The following ZNF385B variants were observed in gnomAD, a reference collection of about 807,000 sequenced individuals.
The protein encoded by ZNF385B is zinc finger protein 533.
ZNF385B carries 23 observed loss-of-function variants against 39.2 expected under a neutral mutation model. The ratio of observed to expected loss-of-function variants is 0.59; its 90% CI spans 0.42 to 0.83. The LOEUF is 0.83. ZNF385B is among the 40% of genes least tolerant of loss of function. ZNF385B has a pLI of 0.00. For synonymous variants in ZNF385B, 205 were observed against 222.6 expected, an observed-to-expected ratio of 0.92 and a Z score of 0.70; for missense variants, 552 against 598.9, an observed-to-expected ratio of 0.92 and a Z score of 0.82.
At chr2:179,752,010 T>C (rs1160739123) in intron 3 of ZNF385B, among the ~76,000 whole-genome samples, 1 of 152,200 alleles carries the variant, frequency 6.6e-6, no homozygotes, top group Non-Finnish European at 1.5e-5. Context: ...TATGTATACA[T>C]GTGCCATGTT....
intron 4 of ZNF385B, among the ~76,000 whole-genome samples, chr2:179,539,581 T>C (rs1273462522): frequency 6.6e-6 from 1 of 152,164 alleles, no homozygotes; most frequent in Non-Finnish European, 1.5e-5. Context: ...TCCCAGTTGT[T>C]TGTGAACAAA....
chr2:179,511,207 G>C (rs1404094185), intron 5 of ZNF385B, among the ~76,000 whole-genome samples: 1 of 152,158 alleles, frequency 6.6e-6, no homozygotes, highest in Non-Finnish European at 1.5e-5. Flanking sequence ...CGTGTGGAAA[G>C]GGAGTTATGT....
At chr2:179,795,448 GTGC>G (rs1398603478) in intron 1 of ZNF385B, among the ~76,000 whole-genome samples, 2 of 152,154 alleles carry the variant, frequency 1.3e-5, no homozygotes, top group African/African-American at 4.8e-5. Context: ...TATGTTGTCA[GTGC>G]TATCTGCAAC....
intron 3 of ZNF385B, among the ~76,000 whole-genome samples, chr2:179,677,915 A>C (rs776584508): frequency 1.3e-5 from 2 of 152,180 alleles, no homozygotes; most frequent in Admixed American, 6.5e-5. Context: ...CAGTACTTCC[A>C]ATTTGCATTG....
intron 5 of ZNF385B, among the ~76,000 whole-genome samples, chr2:179,510,784 G>C (rs1047669286): frequency 1.3e-5 from 2 of 152,094 alleles, no homozygotes; most frequent in South Asian, 2.1e-4. Flanking sequence ...AGTTGGAGGA[G>C]AGAGAGAAGA....
At chr2:179,703,141 T>C (rs906340269) in intron 3 of ZNF385B, among the ~76,000 whole-genome samples, 1 of 152,284 alleles carries the variant, frequency 6.6e-6, no homozygotes, top group African/African-American at 2.4e-5. Context: ...GCTATAGCCA[T>C]CTGGCTTGCT....
chr2:179,607,377 G>A (rs1331292800), intron 3 of ZNF385B, among the ~76,000 whole-genome samples: 1 of 151,974 alleles, frequency 6.6e-6, no homozygotes, highest in Non-Finnish European at 1.5e-5. Context: ...GAGATCTGAT[G>A]GTTTAAAACT....
chr2:179,579,167 T>C (rs958045308), intron 3 of ZNF385B, among the ~76,000 whole-genome samples: 2 of 152,142 alleles, frequency 1.3e-5, no homozygotes, highest in African/African-American at 4.8e-5. Flanking sequence ...ATATGTATTT[T>C]GATGGAGATT....
chr2:179,613,578 C>A (rs1304421945), intron 3 of ZNF385B, among the ~76,000 whole-genome samples: 5 of 152,024 alleles, frequency 3.3e-5, no homozygotes, highest in Non-Finnish European at 7.4e-5. Flanking sequence ...TAGAATGGGG[C>A]CTTAGGACTC....
intron 1 of ZNF385B, among the ~76,000 whole-genome samples, chr2:179,810,665 A>G (rs1706677178): frequency 1.3e-5 from 2 of 152,084 alleles, no homozygotes. Context: ...CTATTAAAAT[A>G]AAACTTTTGG....
intron 3 of ZNF385B, among the ~76,000 whole-genome samples, chr2:179,765,070 C>T (rs540336551): frequency 6.6e-6 from 1 of 152,302 alleles, no homozygotes; most frequent in East Asian, 1.9e-4. Flanking sequence ...AGATTTCCTA[C>T]AGATCTTGAA....
chr2:179,603,247 G>T (rs1341731546), intron 3 of ZNF385B, among the ~76,000 whole-genome samples: 1 of 152,106 alleles, frequency 6.6e-6, no homozygotes, highest in Non-Finnish European at 1.5e-5. Flanking sequence ...ATGAAGTAAG[G>T]ATAACAGTAT....
intron 3 of ZNF385B, 25 bp downstream of exon 3, chr2:179,769,478 T>C (rs1486846318): frequency 1.9e-6 from 3 of 1,611,244 alleles, no homozygotes; most frequent in South Asian, 1.1e-5. Flanking sequence ...CCGCAGCACA[T>C]GGAACCCGGG....
chr2:179,809,955 T>C (rs1400357162), intron 1 of ZNF385B, among the ~76,000 whole-genome samples: 1 of 151,912 alleles, frequency 6.6e-6, no homozygotes, highest in Non-Finnish European at 1.5e-5. Flanking sequence ...GAGATAATAA[T>C]GAAAAGAGTG....
At chr2:179,628,306 A>C (rs1410375990) in intron 3 of ZNF385B, among the ~76,000 whole-genome samples, 1 of 152,146 alleles carries the variant, frequency 6.6e-6, no homozygotes, top group Non-Finnish European at 1.5e-5. Context: ...AATGTCTTTA[A>C]GTATTAATTT....
At chr2:179,501,813 A>T (rs1253867519) in intron 5 of ZNF385B, among the ~76,000 whole-genome samples, 2 of 152,200 alleles carry the variant, frequency 1.3e-5, no homozygotes, top group African/African-American at 4.8e-5. Flanking sequence ...CTTATTTCAC[A>T]TTGCATGCCC....
At chr2:179,744,823 T>A (rs1057488034) in intron 3 of ZNF385B, among the ~76,000 whole-genome samples, 4 of 152,036 alleles carry the variant, frequency 2.6e-5, no homozygotes, top group African/African-American at 9.7e-5. Flanking sequence ...TTTAATACAT[T>A]ATAACCCTCA....
At chr2:179,614,773 T>A (rs960086072) in intron 3 of ZNF385B, among the ~76,000 whole-genome samples, 8 of 152,226 alleles carry the variant, frequency 5.3e-5, no homozygotes, top group African/African-American at 1.9e-4. Flanking sequence ...GAAGTATGCT[T>A]AAGATCCATT....
chr2:179,688,029 A>G (rs1381954266), intron 3 of ZNF385B, among the ~76,000 whole-genome samples: 1 of 152,132 alleles, frequency 6.6e-6, no homozygotes, highest in African/African-American at 2.4e-5. Context: ...GGTCTTTCTA[A>G]TCCTCTAGCT....
Sources: allele counts gnomAD v4.1 joint callset (sites outside exome capture counted in the v4.1 genomes callset), GRCh38; gene constraint gnomAD v4.1.1; transcripts MANE v1.5; gene names NCBI Gene and HGNC (gene_info 2026-07-23, HGNC 2026-07-21).